CNIH1: variants seen among roughly 807,000 people sequenced by gnomAD.
CNIH1 encodes the protein cornichon family member 1, also known as protein cornichon homolog 1.
A neutral mutation model predicts 20.2 loss-of-function variants in CNIH1; 12 were observed. That is an observed-to-expected ratio of 0.59 (90% CI 0.38 to 0.96). The LOEUF is 0.96. Ranked by LOEUF, CNIH1 falls within the 40% of genes least tolerant of loss-of-function variation. The probability of loss-of-function intolerance (pLI) is 0.00; values close to 1 mark genes in which losing one functional copy is unlikely to be tolerated. For missense variants in CNIH1, 152 were observed against 178.8 expected (o/e 0.85, Z 0.85); for synonymous variants, 69 against 63.3 (o/e 1.09, Z -0.43).
chr14:54,431,946 G>A (rs972288544), intron 3 of CNIH1, among the ~76,000 whole-genome samples, 162 bp downstream of exon 3: 4 of 152,010 alleles, frequency 2.6e-5, no homozygotes, highest in Non-Finnish European at 5.9e-5. Context: ...CTCTATATGA[G>A]GTATTGAAAT....
chr14:54,429,805 T>C (rs1355666608), intron 4 of CNIH1, among the ~76,000 whole-genome samples: 1 of 152,052 alleles, frequency 6.6e-6, no homozygotes, highest in East Asian at 1.9e-4. Flanking sequence ...AAGGTAGAAC[T>C]ACTTCTTTCA....
intron 1 of CNIH1, among the ~76,000 whole-genome samples, chr14:54,440,921 G>C (rs1355050237): frequency 2.0e-5 from 3 of 152,130 alleles, no homozygotes; most frequent in South Asian, 4.1e-4. Flanking sequence ...CGGGAATGCA[G>C]GGCCGCGGGC....
At chr14:54,441,159 GCGGCCGTGGCGGCC>G in intron 1 of CNIH1, 74 bp downstream of exon 1, 1 of 1,319,778 alleles carries the variant, frequency 7.6e-7, no homozygotes, top group Non-Finnish European at 9.9e-7. Context: ...CAAAGCCCCG[GCGGCCGTGGCGGCC>G]CGGACCGCGG....
At chr14:54,436,564 C>G (rs1330521399) in intron 1 of CNIH1, 127 bp from the exon 2 acceptor site, 1 of 621,074 alleles carries the variant, frequency 1.6e-6, no homozygotes, top group Non-Finnish European at 2.9e-6. Context: ...TCCCAAATAC[C>G]AATTTACAGT....
At position 54,435,992 on chromosome 14, in the gene CNIH1, G is replaced by C. The variant is rs1025979662; in HGVS notation, c.150+377C>G. 3 of 683,230 alleles carry C rather than the reference G, an allele frequency of 4.4e-6. No individual in the cohort carries two copies. The African/African-American group carries it at 5.3e-5, about 12-fold the overall frequency. The allele number at this position is 683,230 out of a possible 1,614,324, so 42.3% of individuals were successfully genotyped here. ...CAACAGGCATATGAACGAGCACACTGAACAAAACGTTACAAATACAAATGC... is the reference window on the plus strand; with the variant it reads ...CAACAGGCATATGAACGAGCACACTCAACAAAACGTTACAAATACAAATGC... On this transcript the variant is annotated intron_variant, in intron 2 of 4. Transcript: ENST00000216416.
Position 54,441,365 on chromosome 14 carries a change from G to GC in CNIH1, c.-39dup. The GC allele has an allele frequency of 6.8e-7, 1 of 1,470,824 alleles. No individual in the cohort carries two copies. The allele number at this position is 1,470,824 out of a possible 1,614,324, so 91.1% of individuals were successfully genotyped here. ...GGAGCGGGGAGCGGCGCCGTTGCCA[G>GC]CGGAGAAAGGCGGCGCAGGGCCCTC... On this transcript the variant is annotated 5_prime_UTR_variant, in exon 1 of 5. Transcript: ENST00000216416.
chr14:54,432,247 C>A, intron 2 of CNIH1, 27 bp from the exon 3 acceptor site: 1 of 1,295,152 alleles, frequency 7.7e-7, no homozygotes, highest in East Asian at 2.7e-5. Context: ...AGCCAGTTAT[C>A]AAAATGCCTC....
At chr14:54,429,898 A>G (rs2030899842) in intron 4 of CNIH1, among the ~76,000 whole-genome samples, 1 of 152,242 alleles carries the variant, frequency 6.6e-6, no homozygotes, top group Non-Finnish European at 1.5e-5. Context: ...AAAATGAAAC[A>G]TAATGTCTGG....
At chr14:54,440,795 T>C (rs2031154767) in intron 1 of CNIH1, among the ~76,000 whole-genome samples, 1 of 152,208 alleles carries the variant, frequency 6.6e-6, no homozygotes, top group Admixed American at 6.5e-5. Context: ...CCTAAGTAGG[T>C]TACATTTTGG....
In CNIH1 at chr14:54,430,274, A is replaced by T. The variant is rs1384213540; in HGVS notation, c.394T>A (p.Tyr132Asn). Residue 132 changes from tyrosine (Y) to asparagine (N), a missense_variant, in exon 4 of 5, where the codon TAC becomes AAC. Coordinates refer to ENST00000216416, the MANE Select transcript of CNIH1 (RefSeq NM_005776.3). ...TTTTCAACTTACCCATATAGGTAGT[A>T]AAAAAATGCTAGAAGATAAAAAGCT... ...KLAFYLLAFFYYLYGMIYVLV... is the reference protein window; with the variant it reads ...KLAFYLLAFFNYLYGMIYVLV... 1 of 1,613,428 alleles carries T rather than the reference A, an allele frequency of 6.2e-7. No individual in the cohort carries two copies. Among genetic ancestry groups the T allele is most frequent in the Non-Finnish European group, 8.5e-7 (1 of 1,179,436 alleles).
intron 2 of CNIH1, among the ~76,000 whole-genome samples, chr14:54,434,953 T>C (rs577892076): frequency 1.3e-5 from 2 of 152,320 alleles, no homozygotes; most frequent in Admixed American, 6.5e-5. Flanking sequence ...TAGAAATCTC[T>C]TCCACCATCC....
intron 2 of CNIH1, 42 bp downstream of exon 2, chr14:54,436,327 A>G: frequency 8.8e-7 from 1 of 1,130,624 alleles, no homozygotes; most frequent in Non-Finnish European, 1.3e-6. Context: ...AAAAACAAAC[A>G]TATTTTTAAA....
chr14:54,436,327 A>T, intron 2 of CNIH1, 42 bp downstream of exon 2: 1 of 1,130,624 alleles, frequency 8.8e-7, no homozygotes, highest in Non-Finnish European at 1.3e-6. Flanking sequence ...AAAAACAAAC[A>T]TATTTTTAAA....
Position 54,430,105 on chromosome 14 carries a change from C to T in CNIH1, c.407+156G>A, listed in dbSNP as rs970183077. ...CTGCCTTGACAAGCACCAGTGTGGG[C>T]CACACTGAATGTGTGCGAATTTGCT... is the stretch of plus-strand genomic sequence containing the variant. On this transcript the variant is annotated intron_variant, in intron 4 of 4. Transcript: ENST00000216416. The T allele has an allele frequency of 1.1e-5, 8 of 718,970 alleles. No homozygotes were observed. The African/African-American group carries it at 1.4e-4, about 13-fold the overall frequency. 44.5% of individuals were successfully genotyped at this position (718,970 alleles called of 1,614,324 possible).
Position 54,441,267 on chromosome 14 carries a change from T to C in CNIH1, c.61A>G (p.Ile21Val), listed in dbSNP as rs1408040130. The change falls in exon 1 of 5, where the codon ATC becomes GTC. Residue 21 changes from isoleucine to valine, a missense_variant. By Grantham distance (29) the Ile-to-Val change is conservative. Transcript: ENST00000216416. Reference sequence around the variant, plus strand: ...CTCACGTGCCAAATGGCGAAGAAGATGAGCGCGGCAGTGAGCAGCAGCGCC... The same window carrying C: ...CTCACGTGCCAAATGGCGAAGAAGACGAGCGCGGCAGTGAGCAGCAGCGCC... ...MLALLLTAAL[I>V]FFAIWHIIAF... 5.3e-6 allele frequency: 8 copies of C among 1,518,778 alleles called. No homozygotes were observed. The East Asian group carries it at 2.2e-4, about 41-fold the overall frequency. 94.1% of individuals were successfully genotyped at this position (1,518,778 alleles called of 1,614,324 possible).
chr14:54,436,227 A>G, intron 2 of CNIH1, 142 bp downstream of exon 2: 1 of 698,858 alleles, frequency 1.4e-6, no homozygotes, highest in Non-Finnish European at 2.6e-6. Flanking sequence ...ACGACAGGAA[A>G]AAGAAGATTT....
At chr14:54,429,970 T>C (rs1008991236) in intron 4 of CNIH1, among the ~76,000 whole-genome samples, 1 of 152,178 alleles carries the variant, frequency 6.6e-6, no homozygotes, top group African/African-American at 2.4e-5. Context: ...TTCAATGACA[T>C]CACTTTGCCA....
At chr14:54,440,974 C>A (rs2031159340) in intron 1 of CNIH1, among the ~76,000 whole-genome samples, 1 of 151,966 alleles carries the variant, frequency 6.6e-6, no homozygotes, top group Non-Finnish European at 1.5e-5. Flanking sequence ...CGCGGGCGCC[C>A]GCCTGGACCG....
intron 3 of CNIH1, among the ~76,000 whole-genome samples, chr14:54,430,964 G>A (rs1459119893): frequency 3.3e-5 from 5 of 151,562 alleles, no homozygotes; most frequent in African/African-American, 1.2e-4. Context: ...CCCAAGTAGC[G>A]GGGACTACAG....
Sources: allele counts gnomAD v4.1 joint callset (sites outside exome capture counted in the v4.1 genomes callset), GRCh38; gene constraint gnomAD v4.1.1; transcripts MANE v1.5; gene names NCBI Gene and HGNC (gene_info 2026-07-23, HGNC 2026-07-21).